Variants in ZBTB16 observed in about 807,000 individuals in gnomAD.
The protein encoded by ZBTB16 is zinc finger and BTB domain-containing protein 16.
Under a neutral mutation model 56.8 loss-of-function variants are expected in ZBTB16, and 8 were observed. That is an observed-to-expected ratio of 0.14 (90% confidence interval 0.08 to 0.25). ZBTB16 has a LOEUF of 0.25. Ranked by LOEUF, ZBTB16 falls within the 10% of genes least tolerant of loss-of-function variation. ZBTB16 has a pLI of 1.00. For synonymous variants in ZBTB16, 363 were observed against 368.5 expected (o/e 0.98, Z 0.17); for missense variants, 625 against 903.0 (o/e 0.69, Z 3.95).
intron 2 of ZBTB16, among the ~76,000 whole-genome samples, chr11:114,105,891 A>T (rs1372372528): frequency 2.0e-5 from 3 of 152,210 alleles, no homozygotes; most frequent in Non-Finnish European, 4.4e-5. Context: ...CCAGATCACC[A>T]GGGGAAAGTG....
intron 2 of ZBTB16, among the ~76,000 whole-genome samples, chr11:114,105,507 T>C (rs1940759221): frequency 6.6e-6 from 1 of 152,190 alleles, no homozygotes; most frequent in African/African-American, 2.4e-5. Flanking sequence ...CCCAAAATGC[T>C]GGGACTGCAG....
intron 2 of ZBTB16, among the ~76,000 whole-genome samples, chr11:114,089,661 G>A (rs1940110562): frequency 6.6e-6 from 1 of 152,204 alleles, no homozygotes; most frequent in African/African-American, 2.4e-5. Flanking sequence ...AGCTGGCAAG[G>A]AGGCAAAGAA....
At chr11:114,172,934 T>A (rs1943008397) in intron 3 of ZBTB16, among the ~76,000 whole-genome samples, 1 of 152,174 alleles carries the variant, frequency 6.6e-6, no homozygotes, top group Non-Finnish European at 1.5e-5. Flanking sequence ...AGGCAATATT[T>A]CTGTTTTGAA....
chr11:114,104,625 G>C (rs238925), intron 2 of ZBTB16, among the ~76,000 whole-genome samples: 1 of 151,934 alleles, frequency 6.6e-6, no homozygotes, highest in Non-Finnish European at 1.5e-5. Flanking sequence ...GGATGGACCT[G>C]CAGGAAGCTG....
At position 114,064,032 on chromosome 11, in the gene ZBTB16, G is replaced by T; in HGVS notation, c.732G>T (p.Glu244Asp). The T allele has an allele frequency of 6.2e-7, 1 of 1,613,332 alleles. No individual in the cohort carries two copies. Among genetic ancestry groups the T allele is most frequent in the Non-Finnish European group, 8.5e-7 (1 of 1,179,690 alleles). The change falls in exon 2 of 7, where the codon GAG (glutamate) becomes GAT (aspartate). Residue 244 changes from glutamate to aspartate, a missense_variant. Physicochemically the swap from Glu to Asp is conservative, Grantham distance 45 (BLOSUM62 2). Coordinates refer to ENST00000335953, the MANE Select transcript of ZBTB16 (RefSeq NM_006006.6). This position sits in a 1 kb window ranked among gnomAD's most constrained non-coding sequence, Gnocchi z 4.2. ...RHPGVAEVKTEMMQVDEVPSQ... is the reference protein window; with the variant it reads ...RHPGVAEVKTDMMQVDEVPSQ... The stretch of plus-strand genomic sequence containing the variant: ...CTGGGGTGGCTGAGGTGAAGACGGA[G>T]ATGATGCAGGTGGATGAGGTGCCCA...
intron 2 of ZBTB16, among the ~76,000 whole-genome samples, chr11:114,128,386 A>C (rs1038505499): frequency 9.2e-5 from 14 of 152,210 alleles, no homozygotes; most frequent in African/African-American, 3.4e-4. Flanking sequence ...ACATGGGCAC[A>C]GTGGGGTGAA....
Position 114,231,826 on chromosome 11 carries a change from C to A in ZBTB16, c.1454-10341C>A, listed in dbSNP as rs1944446224. On this transcript the variant is annotated intron_variant, in intron 4 of 6. Transcript: ENST00000335953. Reference sequence around the variant, plus strand: ...GTGGGAGAAAGGACCATTCAACCTGCCAGCACCCTCTTCAATAGAATTGTT... The same window carrying A: ...GTGGGAGAAAGGACCATTCAACCTGACAGCACCCTCTTCAATAGAATTGTT... 2.6e-5 allele frequency among the ~76,000 whole-genome samples: 4 copies of A among 152,168 alleles called. No homozygotes were observed. The South Asian group carries it at 8.3e-4, about 32-fold the overall frequency.
chr11:114,138,760 G>A lies in ZBTB16; in HGVS notation c.1269-17577G>A, dbSNP rs143949156. On this transcript the variant is annotated intron_variant, in intron 2 of 6. Transcript: ENST00000335953. ...GGCTGGAGTGCAGTGGTGCGATCTC[G>A]GATCACTGCAACCTCTGTCTCCCGA... Among the ~76,000 whole-genome samples the A allele has an allele frequency of 6.8e-3, 1,032 of 151,750 alleles. 10 individuals are homozygous for A. The highest frequency in any genetic ancestry group is 0.024 in the African/African-American group (987 of 41,326).
At chr11:114,231,019 C>T (rs1186443305) in intron 4 of ZBTB16, among the ~76,000 whole-genome samples, 6 of 152,110 alleles carry the variant, frequency 3.9e-5, no homozygotes, top group Admixed American at 3.9e-4. Context: ...CCCAGAGAAC[C>T]TACTCCTGGG....
At chr11:114,159,560 T>G (rs1391331193) in intron 3 of ZBTB16, among the ~76,000 whole-genome samples, 2 of 152,124 alleles carry the variant, frequency 1.3e-5, no homozygotes, top group Admixed American at 6.5e-5. Flanking sequence ...ACAAAGGGCT[T>G]AGTGAGGCTA....
At chr11:114,121,809 T>A (rs1413072567) in intron 2 of ZBTB16, 5 of 455,884 alleles carry the variant, frequency 1.1e-5, no homozygotes, top group Non-Finnish European at 1.8e-5. Flanking sequence ...GAGTCTACTC[T>A]CAATGCAGGG....
intron 2 of ZBTB16, among the ~76,000 whole-genome samples, chr11:114,081,991 CTG>C (rs1939780642): frequency 6.6e-6 from 1 of 151,638 alleles, no homozygotes; most frequent in South Asian, 2.1e-4. Flanking sequence ...CCATCAAGGA[CTG>C]TGAACTGGCT....
At chr11:114,203,209 G>A (rs1943775312) in intron 4 of ZBTB16, among the ~76,000 whole-genome samples, 1 of 152,184 alleles carries the variant, frequency 6.6e-6, no homozygotes, top group African/African-American at 2.4e-5. Context: ...GACATGAAAG[G>A]CCATGAATTA....
chr11:114,091,175 C>T (rs1290015308), intron 2 of ZBTB16, among the ~76,000 whole-genome samples: 1 of 152,076 alleles, frequency 6.6e-6, no homozygotes, highest in Admixed American at 6.6e-5. Flanking sequence ...ATGGTGAAAC[C>T]ACCTCTCTAA....
At position 114,218,865 on chromosome 11, in the gene ZBTB16, G is replaced by A. The variant is rs146480787; in HGVS notation, c.1454-23302G>A. Among the ~76,000 whole-genome samples the A allele has an allele frequency of 3.1e-3, 470 of 152,204 alleles. 2 individuals are homozygous for A. The highest frequency in any genetic ancestry group is 0.011 in the African/African-American group (449 of 41,520). On this transcript the variant is annotated intron_variant, in intron 4 of 6. Transcript: ENST00000335953. ...TAAGAATTTAAAATTAAAATGTTTC[G>A]GTGCTTTTATATTCTGCAAAACATG... is the stretch of plus-strand genomic sequence containing the variant.
At chr11:114,233,079 GCGCACA>G (rs1355143632) in intron 4 of ZBTB16, among the ~76,000 whole-genome samples, 116 of 53,756 alleles carry the variant, frequency 2.2e-3, no homozygotes, top group African/African-American at 6.7e-3. Flanking sequence ...GCGCGCGCGC[GCGCACA>G]CACACACACA....
intron 3 of ZBTB16, 138 bp downstream of exon 3, chr11:114,156,572 C>G: frequency 1.2e-6 from 1 of 810,114 alleles, no homozygotes; most frequent in Non-Finnish European, 2.1e-6. Context: ...TCCCTGGACC[C>G]TCCCTCCAGG....
intron 6 of ZBTB16, among the ~76,000 whole-genome samples, chr11:114,247,882 A>G (rs989947090): frequency 6.9e-6 from 1 of 145,570 alleles, no homozygotes; most frequent in Non-Finnish European, 1.5e-5. Flanking sequence ...ATGATGTTTT[A>G]CCACTTCAGA....
At chr11:114,102,266 T>G (rs1300438011) in intron 2 of ZBTB16, among the ~76,000 whole-genome samples, 3 of 152,210 alleles carry the variant, frequency 2.0e-5, no homozygotes, top group Non-Finnish European at 4.4e-5. Flanking sequence ...GGCTTTCTTA[T>G]CGTGGCTGTA....
Sources: allele counts gnomAD v4.1 joint callset (sites outside exome capture counted in the v4.1 genomes callset), GRCh38; gene constraint gnomAD v4.1.1; non-coding constraint Gnocchi (gnomAD v3.1); transcripts MANE v1.5; gene names NCBI Gene and HGNC (gene_info 2026-07-23, HGNC 2026-07-21).